Variants in CCBE1 observed in about 807,000 individuals in gnomAD.
CCBE1 encodes the protein collagen and calcium binding EGF domains 1.
A neutral mutation model predicts 50.0 loss-of-function variants in CCBE1; 37 were observed. The ratio of observed to expected loss-of-function variants is 0.74; its 90% CI spans 0.57 to 0.97. The LOEUF is 0.97. Ranked by LOEUF, CCBE1 falls within the 50% of genes least tolerant of loss-of-function variation. CCBE1 has a pLI of 0.00. For synonymous variants in CCBE1, 234 were observed against 203.7 expected, an observed-to-expected ratio of 1.15 and a Z score of -1.27; for missense variants, 538 against 523.8, an observed-to-expected ratio of 1.03 and a Z score of -0.26.
chr18:59,445,975 C>T (rs892981041), intron 7 of CCBE1, among the ~76,000 whole-genome samples: 1 of 152,166 alleles, frequency 6.6e-6, no homozygotes, highest in African/African-American at 2.4e-5. Flanking sequence ...CAGTCTGATT[C>T]ACCACAGGCC....
chr18:59,581,729 T>C (rs9951628), intron 2 of CCBE1, among the ~76,000 whole-genome samples: 1 of 152,182 alleles, frequency 6.6e-6, no homozygotes, highest in Admixed American at 6.5e-5. Context: ...CCTGGGGAAT[T>C]GGAAAGGCTG....
At chr18:59,570,940 C>A (rs1325234812) in intron 2 of CCBE1, among the ~76,000 whole-genome samples, 1 of 152,186 alleles carries the variant, frequency 6.6e-6, no homozygotes, top group Non-Finnish European at 1.5e-5. Flanking sequence ...TCCTACAAAG[C>A]TGGTCCTTCA....
chr18:59,570,269 A>G (rs1334343878), intron 2 of CCBE1, among the ~76,000 whole-genome samples: 1 of 152,182 alleles, frequency 6.6e-6, no homozygotes, highest in Non-Finnish European at 1.5e-5. Flanking sequence ...CCCACAAGGG[A>G]GAGGAACAAT....
intron 2 of CCBE1, among the ~76,000 whole-genome samples, chr18:59,671,797 G>A (rs1216391847): frequency 2.1e-5 from 3 of 141,222 alleles, no homozygotes; most frequent in South Asian, 2.4e-4. Flanking sequence ...TTAGATAAAA[G>A]GATGGTGGGA....
rs570920586 is a variant in CCBE1 at position 59,631,609 on chromosome 18, T to C, written c.212+65020A>G. 1.2e-3 allele frequency among the ~76,000 whole-genome samples: 180 copies of C among 152,328 alleles called. 1 individual carries two copies. Among genetic ancestry groups the C allele is most frequent in the African/African-American group, 4.2e-3 (175 of 41,574 alleles). Reference sequence around the variant, plus strand: ...CTACCTGCAAATCACACCATGCAGGTTGTAGACTACTGGACTATGTGAGAG... The same window carrying C: ...CTACCTGCAAATCACACCATGCAGGCTGTAGACTACTGGACTATGTGAGAG... On this transcript the variant is annotated intron_variant, in intron 2 of 10. Coordinates refer to ENST00000439986, the MANE Select transcript of CCBE1 (RefSeq NM_133459.4).
At chr18:59,590,153 A>G (rs546785228) in intron 2 of CCBE1, among the ~76,000 whole-genome samples, 13 of 152,354 alleles carry the variant, frequency 8.5e-5, no homozygotes, top group African/African-American at 2.6e-4. Context: ...ACTTCTTAAC[A>G]TTAACATTCT....
chr18:59,697,403 T>G lies in CCBE1; in HGVS notation c.-61A>C. The G allele has an allele frequency of 6.6e-7, 1 of 1,513,220 alleles. No individual in the cohort carries two copies. 93.7% of individuals were successfully genotyped at this position (1,513,220 alleles called of 1,614,324 possible). A position where few individuals can be genotyped will look rare whatever the true frequency, so the allele number is the denominator to read the frequency against. ...CCGTCCGGACCAAGCGTCCTGCTCC[T>G]CCGCGGCCGCCGCCGCCTTCCCTCT... On this transcript the variant is annotated 5_prime_UTR_variant, in exon 1 of 11. Coordinates refer to ENST00000439986, the MANE Select transcript of CCBE1 (RefSeq NM_133459.4).
At chr18:59,491,005 A>G (rs1192724364) in intron 2 of CCBE1, among the ~76,000 whole-genome samples, 2 of 152,226 alleles carry the variant, frequency 1.3e-5, no homozygotes, top group African/African-American at 4.8e-5. Flanking sequence ...ATTCCTTGGC[A>G]GCAATATGGT....
chr18:59,485,812 G>T (rs948747464), intron 2 of CCBE1, among the ~76,000 whole-genome samples: 1 of 151,678 alleles, frequency 6.6e-6, no homozygotes, highest in African/African-American at 2.4e-5. Flanking sequence ...TGTTGGCCAC[G>T]CTGGTCTCGA....
chr18:59,627,144 A>C (rs780579001), intron 2 of CCBE1, among the ~76,000 whole-genome samples: 2 of 152,218 alleles, frequency 1.3e-5, no homozygotes, highest in Non-Finnish European at 2.9e-5. Flanking sequence ...GTATACTGTG[A>C]AGATACTGCA....
intron 2 of CCBE1, among the ~76,000 whole-genome samples, chr18:59,685,180 C>T (rs1001799839): frequency 1.3e-5 from 2 of 151,940 alleles, no homozygotes; most frequent in Non-Finnish European, 2.9e-5. Context: ...GCTTTAGACA[C>T]CAAGCTGAGA....
chr18:59,480,511 G>A (rs1384204177), intron 2 of CCBE1, among the ~76,000 whole-genome samples: 1 of 152,064 alleles, frequency 6.6e-6, no homozygotes, highest in African/African-American at 2.4e-5. Flanking sequence ...CCGACTTCAA[G>A]ATACTTATAT....
chr18:59,662,516 T>C (rs1434664436), intron 2 of CCBE1, among the ~76,000 whole-genome samples: 1 of 152,186 alleles, frequency 6.6e-6, no homozygotes, highest in Non-Finnish European at 1.5e-5. Flanking sequence ...AACAGACAGG[T>C]TCCTTCCTCA....
At chr18:59,596,388 T>A (rs2053351263) in intron 2 of CCBE1, among the ~76,000 whole-genome samples, 1 of 152,222 alleles carries the variant, frequency 6.6e-6, no homozygotes. Context: ...ACACTGAAGG[T>A]GTCACGGGAC....
intron 2 of CCBE1, among the ~76,000 whole-genome samples, chr18:59,579,668 G>T (rs1480841235): frequency 6.6e-6 from 1 of 152,216 alleles, no homozygotes; most frequent in African/African-American, 2.4e-5. Flanking sequence ...TATGGTGGCA[G>T]CCACCTGCCT....
chr18:59,534,413 T>C (rs1915168768), intron 2 of CCBE1, among the ~76,000 whole-genome samples: 1 of 152,222 alleles, frequency 6.6e-6, no homozygotes, highest in South Asian at 2.1e-4. Context: ...ATGAAGAATA[T>C]AGAAGTCAGC....
chr18:59,653,499 C>T (rs1568255407), intron 2 of CCBE1, among the ~76,000 whole-genome samples: 1 of 152,192 alleles, frequency 6.6e-6, no homozygotes, highest in African/African-American at 2.4e-5. Flanking sequence ...CTGTGCCAAA[C>T]AGGACTGTGT....
intron 2 of CCBE1, among the ~76,000 whole-genome samples, chr18:59,675,113 C>T (rs1001617125): frequency 1.3e-5 from 2 of 152,106 alleles, no homozygotes; most frequent in Non-Finnish European, 2.9e-5. Context: ...TAAGTTGTAG[C>T]TTGGATAACA....
intron 2 of CCBE1, among the ~76,000 whole-genome samples, chr18:59,676,842 C>G (rs1230242622): frequency 6.6e-6 from 1 of 152,050 alleles, no homozygotes; most frequent in Non-Finnish European, 1.5e-5. Flanking sequence ...GGATTAGGAA[C>G]CAGAATTAGG....
Sources: allele counts gnomAD v4.1 joint callset (sites outside exome capture counted in the v4.1 genomes callset), GRCh38; gene constraint gnomAD v4.1.1; transcripts MANE v1.5; gene names NCBI Gene and HGNC (gene_info 2026-07-23, HGNC 2026-07-21).